FANCM: variants seen among roughly 807,000 people sequenced by gnomAD.
FANCM encodes the protein FA complementation group M.
Under a neutral mutation model 199.5 loss-of-function variants are expected in FANCM, and 140 were observed. That is an observed-to-expected ratio of 0.70 (90% confidence interval 0.61 to 0.81). The LOEUF (loss-of-function observed/expected upper bound fraction) is 0.81. Among genes scored for constraint, FANCM ranks in the 30% least tolerant of loss-of-function variants. The pLI is 0.00. For missense variants in FANCM, 2,410 were observed against 2,421.4 expected (o/e 1.00, Z 0.10); for synonymous variants, 840 against 836.8 (o/e 1.00, Z -0.07).
chr14:45,159,365 G>C, intron 9 of FANCM, 85 bp downstream of exon 9: 1 of 912,776 alleles, frequency 1.1e-6, no homozygotes, highest in South Asian at 1.6e-5. Context: ...TAACTCACTG[G>C]TCAATTAGCT....
At chr14:45,170,258 T>A (rs1242276321) in intron 11 of FANCM, among the ~76,000 whole-genome samples, 2 of 152,194 alleles carry the variant, frequency 1.3e-5, no homozygotes, top group Admixed American at 1.3e-4. Flanking sequence ...AGTGGTTTTT[T>A]ATGAAGAATA....
intron 12 of FANCM, among the ~76,000 whole-genome samples, chr14:45,171,091 T>C (rs1353690554): frequency 6.6e-6 from 1 of 152,088 alleles, no homozygotes; most frequent in African/African-American, 2.4e-5. Flanking sequence ...TGATATACCA[T>C]AGTTTGCTTG....
intron 20 of FANCM, among the ~76,000 whole-genome samples, chr14:45,192,650 A>G (rs1467869366): frequency 6.6e-6 from 1 of 152,118 alleles, no homozygotes; most frequent in Non-Finnish European, 1.5e-5. Context: ...CTCAAAAAAA[A>G]AGAAAAACCA....
Position 45,175,647 on chromosome 14 carries a change from G to T in FANCM, c.2893G>T (p.Glu965Ter). 6.2e-7 allele frequency: 1 copy of T among 1,613,380 alleles called. No homozygotes were observed. Among genetic ancestry groups the T allele is most frequent in the East Asian group, 2.2e-5 (1 of 44,846 alleles). Residue 965 changes from glutamate to a stop codon, truncating the protein, a stop_gained, in exon 14 of 23, where the codon GAA (glutamate) becomes TAA (stop). Coordinates refer to ENST00000267430, the MANE Select transcript of FANCM (RefSeq NM_020937.4). LOFTEE classifies it high-confidence loss of function. The part of the protein sequence containing the change: ...VSSNLFLPFE[E>*]ELYIVRTDDQ... ...ATCTAACTTATTTCTTCCATTCGAA[G>T]AAGAGCTTTATATTGTTAGAACAGA...
At chr14:45,145,265 G>A (rs922991091) in intron 3 of FANCM, among the ~76,000 whole-genome samples, 4 of 151,480 alleles carry the variant, frequency 2.6e-5, no homozygotes, top group African/African-American at 9.7e-5. Context: ...AGTCACTTTC[G>A]TTTATGTGAG....
intron 3 of FANCM, among the ~76,000 whole-genome samples, chr14:45,142,405 C>T (rs1176861742): frequency 6.6e-6 from 1 of 151,494 alleles, no homozygotes; most frequent in Non-Finnish European, 1.5e-5. Flanking sequence ...CTCCCAGGTT[C>T]AAGCTATTCT....
At chr14:45,186,824 G>C (rs1889431406) in intron 18 of FANCM, among the ~76,000 whole-genome samples, 1 of 152,216 alleles carries the variant, frequency 6.6e-6, no homozygotes, top group South Asian at 2.1e-4. Context: ...AGGAAGATCA[G>C]AGAACTAGCA....
At chr14:45,136,954 T>C in intron 1 of FANCM, 115 bp from the exon 2 acceptor site, 1 of 829,568 alleles carries the variant, frequency 1.2e-6, no homozygotes, top group Non-Finnish European at 2.0e-6. Flanking sequence ...AATTGTCAAA[T>C]TGTTTTTCTC....
Position 45,136,018 on chromosome 14 carries a change from T to C in FANCM, c.-14T>C, listed in dbSNP as rs1885459187. The C allele has an allele frequency of 1.2e-6, 2 of 1,612,674 alleles. No homozygotes were observed. The highest frequency in any genetic ancestry group is 8.5e-7 in the Non-Finnish European group (1 of 1,179,980). ...ACGGATATCTGACAGAAGCCTTCGG[T>C]GGTTGTCGGCCTAATGAGCGGACGG... is the stretch of plus-strand genomic sequence containing the variant. On this transcript the variant is annotated 5_prime_UTR_variant, in exon 1 of 23. Transcript: ENST00000267430.
chr14:45,157,994 C>T (rs935949614), intron 8 of FANCM, among the ~76,000 whole-genome samples: 1 of 151,960 alleles, frequency 6.6e-6, no homozygotes, highest in Admixed American at 6.6e-5. Flanking sequence ...CCCAGGAGTT[C>T]GAGACCAGCC....
chr14:45,191,841 C>G (rs1382369010), intron 20 of FANCM, among the ~76,000 whole-genome samples: 1 of 152,096 alleles, frequency 6.6e-6, no homozygotes, highest in Admixed American at 6.6e-5. Flanking sequence ...TATTCCTTGT[C>G]TTTTGCTTTT....
Position 45,167,145 on chromosome 14 carries a change from A to C in FANCM, c.1984A>C (p.Ile662Leu). The change falls in exon 11 of 23, where the codon ATC becomes CTC. Residue 662 changes from isoleucine (I) to leucine (L), a missense_variant. Physicochemically the swap from Ile to Leu is conservative, Grantham distance 5 (BLOSUM62 2). Coordinates refer to ENST00000267430, the MANE Select transcript of FANCM (RefSeq NM_020937.4). ...PSRNLQRKSS[I>L]FSYRDGMRQS... ...TCGGAACTTGCAGCGAAAGTCATCT[A>C]TCTTTTCCTATAGGGATGGTAAATA... is the stretch of plus-strand genomic sequence containing the variant. 1 of 1,608,730 alleles carries C rather than the reference A, an allele frequency of 6.2e-7. No homozygotes were observed.
rs747842904 is a variant in FANCM, at chr14:45,175,812, T to A, written c.3058T>A (p.Leu1020Met). The change falls in exon 14 of 23, where the codon TTG becomes ATG. Residue 1020 changes from leucine (L) to methionine (M), a missense_variant. Transcript: ENST00000267430. The part of the protein sequence containing the change: ...EIAKGTALEN[L>M]LFLPCAEHLR... ...TGCTAAGGGTACTGCACTTGAGAAT[T>A]TGCTTTTCTTACCCTGTGCAGAGCA... 3.1e-6 allele frequency: 5 copies of A among 1,613,938 alleles called. No homozygotes were observed.
At chr14:45,187,957 C>G (rs1208093089) in intron 19 of FANCM, 70 bp downstream of exon 19, 1 of 819,630 alleles carries the variant, frequency 1.2e-6, no homozygotes, top group Non-Finnish European at 2.1e-6. Context: ...GTTAGTGAAG[C>G]CTCCATTTTG....
chr14:45,143,171 CT>C (rs58148802), intron 3 of FANCM, among the ~76,000 whole-genome samples: 22,833 of 140,262 alleles, frequency 0.16, 3,249 homozygotes, highest in African/African-American at 0.39. Context: ...TAGACATGCA[CT>C]TTTTTTTTTT....
At chr14:45,152,638 G>T (rs1329467099) in intron 5 of FANCM, among the ~76,000 whole-genome samples, 15 of 152,242 alleles carry the variant, frequency 9.9e-5, no homozygotes, top group Non-Finnish European at 2.2e-4. Context: ...CAAAAGAACA[G>T]AGGCAATTGA....
chr14:45,138,774 C>T lies in FANCM; in HGVS notation c.681+1533C>T, dbSNP rs534695124. The stretch of plus-strand genomic sequence containing the variant: ...AATATAATGAAACATGCATTGACTT[C>T]ATTAATAACCAGACAGCCCTGACAG... On this transcript the variant is annotated intron_variant, in intron 2 of 22. Transcript: ENST00000267430. Among the ~76,000 whole-genome samples, 18 of 152,238 alleles carry T rather than the reference C, an allele frequency of 1.2e-4. 3 individuals carry two copies. Among genetic ancestry groups the T allele is most frequent in the African/African-American group, 3.6e-4 (15 of 41,548 alleles).
intron 2 of FANCM, among the ~76,000 whole-genome samples, chr14:45,138,644 A>G (rs1431938784): frequency 6.6e-6 from 1 of 152,226 alleles, no homozygotes; most frequent in Non-Finnish European, 1.5e-5. Context: ...AAAATTTTTT[A>G]AAATTCAAAC....
intron 18 of FANCM, 92 bp from the exon 19 acceptor site, chr14:45,187,689 C>G: frequency 1.5e-6 from 1 of 653,134 alleles, no homozygotes; most frequent in Non-Finnish European, 2.8e-6. Context: ...AGGTTTGAAT[C>G]AAGTAAATTT....
Sources: allele counts gnomAD v4.1 joint callset (sites outside exome capture counted in the v4.1 genomes callset), GRCh38; gene constraint gnomAD v4.1.1; transcripts MANE v1.5; gene names NCBI Gene and HGNC (gene_info 2026-07-23, HGNC 2026-07-21).